The following RAB2A variants were observed in gnomAD, a reference collection of about 807,000 sequenced individuals.
RAB2A encodes RAB2A, member RAS oncogene family, also known as ras-related protein Rab-2A.
In RAB2A, 7 loss-of-function variants were observed where a neutral mutation model predicts 32.5. The ratio of observed to expected loss-of-function variants is 0.22; its 90% CI spans 0.12 to 0.40. The LOEUF (loss-of-function observed/expected upper bound fraction) is 0.40, where lower values mean the gene tolerates loss of function less well. RAB2A is among the 10% of genes least tolerant of loss of function. RAB2A has a pLI of 1.00. For synonymous variants in RAB2A, 79 were observed against 85.2 expected (o/e 0.93, Z 0.40); for missense variants, 108 against 260.7 (o/e 0.41, Z 4.03).
chr8:60,572,994 G>T (rs1808218619), intron 3 of RAB2A, among the ~76,000 whole-genome samples: 1 of 152,146 alleles, frequency 6.6e-6, no homozygotes. Flanking sequence ...CTTAATAGAA[G>T]ACACTGGATT....
chr8:60,589,298 C>T (rs936498398), intron 5 of RAB2A, among the ~76,000 whole-genome samples: 44 of 152,162 alleles, frequency 2.9e-4, no homozygotes, highest in African/African-American at 9.4e-4. Flanking sequence ...CGAGATGTTT[C>T]TGATGATCGT....
At chr8:60,582,200 C>G (rs1329019203) in intron 3 of RAB2A, among the ~76,000 whole-genome samples, 3 of 152,136 alleles carry the variant, frequency 2.0e-5, no homozygotes, top group Non-Finnish European at 4.4e-5. Context: ...ACTCCTGCCT[C>G]AGCCTCCCAA....
chr8:60,544,688 C>T (rs1297551093), intron 1 of RAB2A, among the ~76,000 whole-genome samples: 3 of 151,546 alleles, frequency 2.0e-5, no homozygotes, highest in Non-Finnish European at 4.4e-5. Flanking sequence ...GAGCCCCTGG[C>T]CTGTATTTTC....
At chr8:60,600,412 T>A (rs1804113048) in intron 6 of RAB2A, among the ~76,000 whole-genome samples, 1 of 152,158 alleles carries the variant, frequency 6.6e-6, no homozygotes, top group African/African-American at 2.4e-5. Flanking sequence ...GAACACCAAA[T>A]GCTGAAGAGA....
At chr8:60,527,095 CATGGCAGAAGGTGAA>C (rs1471784082) in intron 1 of RAB2A, among the ~76,000 whole-genome samples, 1 of 151,972 alleles carries the variant, frequency 6.6e-6, no homozygotes, top group Non-Finnish European at 1.5e-5. Flanking sequence ...AACTTATAAT[CATGGCAGAAGGTGAA>C]GGGGAAGCAA....
chr8:60,598,602 G>A (rs73261258), intron 6 of RAB2A, among the ~76,000 whole-genome samples: 4,898 of 152,090 alleles, frequency 0.032, 257 homozygotes, highest in African/African-American at 0.11. Flanking sequence ...GGGATGCAAG[G>A]CTTGCTCTGT....
Position 60,620,754 on chromosome 8 carries a change from G to A in RAB2A, c.624G>A (p.Gly208=). The change falls in exon 8 of 8, where the codon GGG becomes GGA. Residue 208 remains glycine (G), a synonymous_variant. Coordinates refer to ENST00000262646, the MANE Select transcript of RAB2A (RefSeq NM_002865.3). ...GCAATCAGGGAGGACAGCAGGCTGGGGGCGGCTGCTGTTGAGTCTGTTTTT... is the reference window on the plus strand; with the variant it reads ...GCAATCAGGGAGGACAGCAGGCTGGAGGCGGCTGCTGTTGAGTCTGTTTTT... The part of the protein sequence containing the change: ...HAGNQGGQQA[G]GGCC 3 of 1,613,418 alleles carry A rather than the reference G, an allele frequency of 1.9e-6. No homozygotes were observed. Among genetic ancestry groups the A allele is most frequent in the Non-Finnish European group, 2.5e-6 (3 of 1,179,840 alleles).
intron 1 of RAB2A, among the ~76,000 whole-genome samples, chr8:60,544,681 C>T (rs1268545635): frequency 2.0e-5 from 3 of 151,710 alleles, no homozygotes; most frequent in Middle Eastern, 3.4e-3. Flanking sequence ...TAGGTGTGAG[C>T]CCCTGGCCTG....
chr8:60,550,695 A>C (rs905494521), intron 1 of RAB2A, among the ~76,000 whole-genome samples: 1 of 151,734 alleles, frequency 6.6e-6, no homozygotes, highest in Non-Finnish European at 1.5e-5. Flanking sequence ...CTTTGCTTCT[A>C]CTCTCATCTG....
intron 6 of RAB2A, among the ~76,000 whole-genome samples, chr8:60,608,218 A>G (rs561027175): frequency 6.6e-6 from 1 of 152,368 alleles, no homozygotes; most frequent in East Asian, 1.9e-4. Context: ...TAATAAAAAC[A>G]TATCATGCAT....
intron 3 of RAB2A, among the ~76,000 whole-genome samples, chr8:60,574,797 T>C (rs561246865): frequency 1.3e-5 from 2 of 152,190 alleles, no homozygotes; most frequent in Admixed American, 6.5e-5. Flanking sequence ...TAATTTCTTA[T>C]GCTGGACAGT....
rs1803954533 is a variant in RAB2A at position 60,592,201 on chromosome 8, C to T, written c.474+232C>T. 1.0e-5 allele frequency: 3 copies of T among 298,256 alleles called. No individual in the cohort carries two copies. In the East Asian group the frequency reaches 1.8e-4, roughly 18 times the overall value. The allele number at this position is 298,256 out of a possible 1,614,324, so 18.5% of individuals were successfully genotyped here. On this transcript the variant is annotated intron_variant, in intron 6 of 7. Coordinates refer to ENST00000262646, the MANE Select transcript of RAB2A (RefSeq NM_002865.3). Reference sequence around the variant, plus strand: ...TCTTACATTTTTGTACGTATTTTCACTCCCTCCCTTTTTCTAAACAATTTC... The same window carrying T: ...TCTTACATTTTTGTACGTATTTTCATTCCCTCCCTTTTTCTAAACAATTTC...
intron 6 of RAB2A, among the ~76,000 whole-genome samples, chr8:60,594,172 C>T (rs1185473042): frequency 6.6e-6 from 1 of 151,910 alleles, no homozygotes; most frequent in Non-Finnish European, 1.5e-5. Context: ...ATCATAAGTC[C>T]TAGAAGGAGA....
rs866278693 is a variant in RAB2A, at chr8:60,569,886, A to G, written c.119-2160A>G. 3 of 440,856 alleles carry G rather than the reference A, an allele frequency of 6.8e-6. No homozygotes were observed. In the Middle Eastern group the frequency reaches 1.0e-3, roughly 148 times the overall value. The allele number at this position is 440,856 out of a possible 1,614,324, so 27.3% of individuals were successfully genotyped here. A position where few individuals can be genotyped will look rare whatever the true frequency, so the allele number is the denominator to read the frequency against. The stretch of plus-strand genomic sequence containing the variant: ...TCTAGCTAAGGTAAGCAAAGAGAAT[A>G]TTCTAGAATGTCTGTAGTTATGTAT... On this transcript the variant is annotated intron_variant, in intron 2 of 7. Transcript: ENST00000262646.
chr8:60,526,569 G>A (rs1222346826), intron 1 of RAB2A, among the ~76,000 whole-genome samples: 1 of 152,170 alleles, frequency 6.6e-6, no homozygotes, highest in Non-Finnish European at 1.5e-5. Context: ...TGCCATGCTA[G>A]GGTAAAATAT....
intron 6 of RAB2A, among the ~76,000 whole-genome samples, chr8:60,600,574 A>G (rs1281743645): frequency 6.6e-6 from 1 of 152,234 alleles, no homozygotes; most frequent in Non-Finnish European, 1.5e-5. Flanking sequence ...AGATAAATGA[A>G]GAGTTAGGTT....
chr8:60,601,204 T>C (rs1390718198), intron 6 of RAB2A, among the ~76,000 whole-genome samples: 1 of 152,262 alleles, frequency 6.6e-6, no homozygotes, highest in Non-Finnish European at 1.5e-5. Flanking sequence ...ATTTTCAAAT[T>C]ACTAGATTTT....
intron 6 of RAB2A, among the ~76,000 whole-genome samples, chr8:60,592,413 G>A (rs886703645): frequency 6.6e-6 from 1 of 152,106 alleles, no homozygotes; most frequent in Non-Finnish European, 1.5e-5. Context: ...TCTTTTTTGT[G>A]TTGCATGGGA....
intron 3 of RAB2A, among the ~76,000 whole-genome samples, chr8:60,577,225 A>G (rs1294314049): frequency 6.6e-6 from 1 of 150,772 alleles, no homozygotes; most frequent in Non-Finnish European, 1.5e-5. Context: ...TTTTTTTTTA[A>G]TTTTGTAGAG....
Sources: allele counts gnomAD v4.1 joint callset (sites outside exome capture counted in the v4.1 genomes callset), GRCh38; gene constraint gnomAD v4.1.1; transcripts MANE v1.5; gene names NCBI Gene and HGNC (gene_info 2026-07-23, HGNC 2026-07-21).